The following CHKA variants were observed in gnomAD, a reference collection of about 807,000 sequenced individuals.
CHKA encodes CHETK-alpha.
Under a neutral mutation model 60.1 loss-of-function variants are expected in CHKA, and 34 were observed. The observed-to-expected ratio is 0.57, with a 90% CI of 0.43 to 0.75. The LOEUF (loss-of-function observed/expected upper bound fraction) is 0.75. Among genes scored for constraint, CHKA ranks in the 30% least tolerant of loss-of-function variants. The probability of loss-of-function intolerance (pLI) is 0.00; values close to 1 mark genes in which losing one functional copy is unlikely to be tolerated. For synonymous variants in CHKA, 217 were observed against 223.1 expected (o/e 0.97, Z 0.24); for missense variants, 563 against 561.3 (o/e 1.00, Z -0.03).
chr11:68,067,371 G>A (rs1856479255), intron 7 of CHKA, among the ~76,000 whole-genome samples: 1 of 152,190 alleles, frequency 6.6e-6, no homozygotes, highest in South Asian at 2.1e-4. Flanking sequence ...GGGAGGTGGA[G>A]GTGGGAGGAT....
chr11:68,093,100 TG>T (rs1427813086), intron 2 of CHKA, among the ~76,000 whole-genome samples: 2 of 150,800 alleles, frequency 1.3e-5, no homozygotes, highest in Non-Finnish European at 2.9e-5. Context: ...CTCCACCTCC[TG>T]GGCTTAAGAG....
At chr11:68,105,514 CAAAAAAAAAAAA>C (rs1170085830) in intron 1 of CHKA, among the ~76,000 whole-genome samples, 26 of 64,954 alleles carry the variant, frequency 4.0e-4, no homozygotes, top group African/African-American at 5.9e-4. Flanking sequence ...GACTCCATCT[CAAAAAAAAAAAA>C]AAAAAAAAAA....
chr11:68,107,040 T>A (rs1857940736), intron 1 of CHKA, among the ~76,000 whole-genome samples: 1 of 151,982 alleles, frequency 6.6e-6, no homozygotes, highest in South Asian at 2.1e-4. Flanking sequence ...GATCACGAGA[T>A]CAGGAGTTCA....
intron 1 of CHKA, among the ~76,000 whole-genome samples, chr11:68,110,935 T>G (rs1858109273): frequency 6.7e-6 from 1 of 150,040 alleles, no homozygotes; most frequent in Non-Finnish European, 1.5e-5. Flanking sequence ...GAGGCGGAGG[T>G]TGCAGTGAGC....
At position 68,061,967 on chromosome 11, in the gene CHKA, C is replaced by CA; in HGVS notation, c.1299dup (p.Glu434Ter). Reference sequence around the variant, plus strand: ...CTAAAACATACCATGTACCCAAATTCAATAGATGAAATCTTGGCTTGTACA... The same window carrying CA: ...CTAAAACATACCATGTACCCAAATTCAAATAGATGAAATCTTGGCTTGTACA... On this transcript the variant is annotated frameshift_variant, in exon 11 of 12. Coordinates refer to ENST00000265689, the MANE Select transcript of CHKA (RefSeq NM_001277.3). LOFTEE classifies it high-confidence loss of function. The CA allele has an allele frequency of 6.3e-7, 1 of 1,592,018 alleles. No homozygotes were observed. Among genetic ancestry groups the CA allele is most frequent in the South Asian group, 1.1e-5 (1 of 87,544 alleles).
chr11:68,071,779 C>T (rs1473750437), intron 4 of CHKA, among the ~76,000 whole-genome samples: 1 of 152,236 alleles, frequency 6.6e-6, no homozygotes, highest in African/African-American at 2.4e-5. Flanking sequence ...AATTCTCTCA[C>T]AGAGTTGCCA....
intron 2 of CHKA, among the ~76,000 whole-genome samples, chr11:68,095,014 T>C (rs1053905596): frequency 3.2e-4 from 48 of 152,142 alleles, no homozygotes; most frequent in African/African-American, 9.4e-4. Context: ...ACTTTTTAGA[T>C]TGAGCTGAAA....
At chr11:68,114,551 G>C (rs1287747273) in intron 1 of CHKA, among the ~76,000 whole-genome samples, 1 of 152,008 alleles carries the variant, frequency 6.6e-6, no homozygotes, top group Non-Finnish European at 1.5e-5. Context: ...CAAAAAATTA[G>C]CCAGGCGGGG....
intron 2 of CHKA, among the ~76,000 whole-genome samples, chr11:68,088,271 C>G (rs368139896): frequency 2.6e-5 from 4 of 152,026 alleles, no homozygotes; most frequent in Admixed American, 2.6e-4. Context: ...CCCAGGTCAT[C>G]GTATTCACCC....
chr11:68,121,002 G>T lies in CHKA; in HGVS notation c.176C>A (p.Pro59His). ...CAGCGGCAGCGGCAGCGGCGGCGGA[G>T]GGGGCAGCGCGAGCGGCGGCTGTTG... Reference protein sequence around the residue: ...GGQQPPLALPPPPPLPLPLPL... With the variant: ...GGQQPPLALPHPPPLPLPLPL... The change falls in exon 1 of 12, where the codon CCT becomes CAT. Residue 59 changes from proline to histidine, a missense_variant. By Grantham distance (77) the Pro-to-His change is moderately conservative. Coordinates refer to ENST00000265689, the MANE Select transcript of CHKA (RefSeq NM_001277.3). 9.0e-7 allele frequency: 1 copy of T among 1,116,592 alleles called. No homozygotes were observed. Among genetic ancestry groups the T allele is most frequent in the Non-Finnish European group, 1.1e-6 (1 of 914,116 alleles). The allele number at this position is 1,116,592 out of a possible 1,614,324, so 69.2% of individuals were successfully genotyped here.
chr11:68,116,490 G>A, intron 1 of CHKA, among the ~76,000 whole-genome samples: 1 of 151,962 alleles, frequency 6.6e-6, no homozygotes, highest in Admixed American at 6.6e-5. Flanking sequence ...AAAGCAGGCG[G>A]ATCATGAGGT....
intron 2 of CHKA, among the ~76,000 whole-genome samples, chr11:68,082,774 T>C (rs1857026888): frequency 6.6e-6 from 1 of 152,242 alleles, no homozygotes; most frequent in African/African-American, 2.4e-5. Flanking sequence ...ACATATTCAA[T>C]ACTATATTTA....
intron 2 of CHKA, among the ~76,000 whole-genome samples, chr11:68,090,535 T>G (rs1276565405): frequency 1.3e-5 from 2 of 152,220 alleles, no homozygotes; most frequent in African/African-American, 4.8e-5. Flanking sequence ...ATATTAACTA[T>G]TTATGAGTTA....
rs1161750643 is a variant in CHKA at position 68,070,807 on chromosome 11, T to G, written c.681A>C (p.Glu227Asp). 6.2e-7 allele frequency: 1 copy of G among 1,613,196 alleles called. No homozygotes were observed. ...GAAATGTAGCCATTTTCTCGGCGAT[T>G]TCTGCAGAAATATCTGGCAAACTTA... ...EELSLPDISA[E>D]IAEKMATFHG... is the part of the protein sequence containing the mutation. Residue 227 changes from glutamate to aspartate, a missense_variant, in exon 5 of 12, where the codon GAA (glutamate) becomes GAC (aspartate). Physicochemically the swap from Glu to Asp is conservative, Grantham distance 45. Transcript: ENST00000265689.
At chr11:68,107,983 C>T (rs1312853360) in intron 1 of CHKA, among the ~76,000 whole-genome samples, 2 of 152,110 alleles carry the variant, frequency 1.3e-5, no homozygotes, top group African/African-American at 2.4e-5. Context: ...TGCCCCACCA[C>T]GCAGCAGAAC....
intron 2 of CHKA, among the ~76,000 whole-genome samples, chr11:68,095,304 G>C (rs1857462488): frequency 6.8e-6 from 1 of 147,824 alleles, no homozygotes. Flanking sequence ...TTGAAAGGCT[G>C]AGGCAGGAGA....
chr11:68,076,770 C>T (rs546695059), intron 3 of CHKA, among the ~76,000 whole-genome samples: 2 of 152,156 alleles, frequency 1.3e-5, no homozygotes, highest in Admixed American at 6.5e-5. Context: ...CTGAGTCAAC[C>T]CAGAAAGGAC....
chr11:68,092,403 A>G (rs1441923962), intron 2 of CHKA, among the ~76,000 whole-genome samples: 1 of 152,212 alleles, frequency 6.6e-6, no homozygotes, highest in Non-Finnish European at 1.5e-5. Context: ...AGAGCTGGCT[A>G]TACATTAGCA....
chr11:68,077,761 A>G (rs1418712974), intron 3 of CHKA, among the ~76,000 whole-genome samples: 1 of 152,146 alleles, frequency 6.6e-6, no homozygotes, highest in Non-Finnish European at 1.5e-5. Context: ...CATGAGGGAA[A>G]CAAGGGTGAC....
Sources: gnomAD v4.1 joint callset for allele counts (sites outside exome capture counted in the v4.1 genomes callset) on GRCh38, gnomAD v4.1.1 for gene constraint, MANE v1.5 for transcripts, NCBI Gene and HGNC (gene_info 2026-07-23, HGNC 2026-07-21) for gene names.